The following ADAMTS17 variants were observed in gnomAD, a reference collection of about 807,000 sequenced individuals.
ADAMTS17 encodes ADAM metallopeptidase with thrombospondin type 1 motif 17, also known as A disintegrin and metalloproteinase with thrombospondin motifs 17.
A neutral mutation model predicts 141.5 loss-of-function variants in ADAMTS17; 113 were observed. That is an observed-to-expected ratio of 0.80 (90% CI 0.69 to 0.93). The LOEUF (loss-of-function observed/expected upper bound fraction) is 0.93, where lower values mean the gene tolerates loss of function less well. Ranked by LOEUF, ADAMTS17 falls within the 40% of genes least tolerant of loss-of-function variation. The pLI is 0.00. For synonymous variants in ADAMTS17, 768 were observed against 630.6 expected, an observed-to-expected ratio of 1.22 and a Z score of -3.27; for missense variants, 1,659 against 1,517.9, an observed-to-expected ratio of 1.09 and a Z score of -1.54.
chr15:100,246,524 T>C (rs1052472993), intron 7 of ADAMTS17, among the ~76,000 whole-genome samples: 1 of 152,214 alleles, frequency 6.6e-6, no homozygotes, highest in Non-Finnish European at 1.5e-5. Context: ...TTGTCTAATT[T>C]GGAACAACGA....
chr15:100,330,378 C>G (rs992046209), intron 3 of ADAMTS17, among the ~76,000 whole-genome samples: 1 of 152,198 alleles, frequency 6.6e-6, no homozygotes, highest in African/African-American at 2.4e-5. Context: ...CCCAGGGTTT[C>G]TGATTCACAG....
chr15:100,017,853 G>A (rs2061321763), intron 18 of ADAMTS17, among the ~76,000 whole-genome samples: 1 of 152,172 alleles, frequency 6.6e-6, no homozygotes, highest in African/African-American at 2.4e-5. Context: ...TTTGATTATA[G>A]TCATGCTAGT....
intron 15 of ADAMTS17, among the ~76,000 whole-genome samples, chr15:100,060,442 C>T (rs2033027694): frequency 6.6e-6 from 1 of 152,250 alleles, no homozygotes; most frequent in Admixed American, 6.5e-5. Context: ...CTTCCAGGCA[C>T]TGTGGGAAAG....
At chr15:100,244,327 G>A (rs1008950832) in intron 7 of ADAMTS17, among the ~76,000 whole-genome samples, 5 of 144,094 alleles carry the variant, frequency 3.5e-5, no homozygotes, top group African/African-American at 7.7e-5. Flanking sequence ...GTCACTCAAC[G>A]ACAGTGGTGG....
In ADAMTS17 at chr15:99,973,974, G is replaced by C. The variant is rs1267063435; in HGVS notation, c.*428C>G. On this transcript the variant is annotated 3_prime_UTR_variant, in exon 22 of 22. Coordinates refer to ENST00000268070, the MANE Select transcript of ADAMTS17 (RefSeq NM_139057.4). The stretch of plus-strand genomic sequence containing the variant: ...CACCAACACCTGCCCCTCCCTCCAT[G>C]GTGTCGCCGGCTTTCAGAATAAAGC... 1.0e-5 allele frequency: 2 copies of C among 200,528 alleles called. No individual in the cohort carries two copies. Among genetic ancestry groups the C allele is most frequent in the African/African-American group, 4.1e-5 (1 of 24,246 alleles). 12.4% of individuals were successfully genotyped at this position (200,528 alleles called of 1,614,324 possible). A position where few individuals can be genotyped will look rare whatever the true frequency, so the allele number is the denominator to read the frequency against.
chr15:100,330,716 C>A (rs891126119), intron 3 of ADAMTS17, among the ~76,000 whole-genome samples, 173 bp downstream of exon 3: 5 of 152,168 alleles, frequency 3.3e-5, no homozygotes, highest in Middle Eastern at 3.4e-3. Flanking sequence ...AAAGGACTGC[C>A]GACACTAAGA....
chr15:100,022,699 T>C (rs2061427785), intron 18 of ADAMTS17, among the ~76,000 whole-genome samples: 1 of 152,190 alleles, frequency 6.6e-6, no homozygotes, highest in Admixed American at 6.5e-5. Context: ...TCTGGATTGC[T>C]TTGGATAATT....
intron 15 of ADAMTS17, among the ~76,000 whole-genome samples, chr15:100,085,097 A>G (rs561771438): frequency 6.6e-6 from 1 of 152,262 alleles, no homozygotes; most frequent in East Asian, 1.9e-4. Flanking sequence ...AACCTTGAAA[A>G]AATATTAGAT....
At chr15:100,322,128 C>G (rs1003180941) in intron 3 of ADAMTS17, among the ~76,000 whole-genome samples, 2 of 152,042 alleles carry the variant, frequency 1.3e-5, no homozygotes, top group African/African-American at 2.4e-5. Flanking sequence ...GGAGTCAACA[C>G]TTGGAAGACA....
At chr15:100,113,877 C>T (rs772630692) in intron 13 of ADAMTS17, among the ~76,000 whole-genome samples, 3 of 152,348 alleles carry the variant, frequency 2.0e-5, no homozygotes, top group East Asian at 3.9e-4. Flanking sequence ...CACGTCCAGA[C>T]GCAGCCTTTG....
At chr15:100,038,284 T>C (rs1343291623) in intron 18 of ADAMTS17, among the ~76,000 whole-genome samples, 1 of 152,218 alleles carries the variant, frequency 6.6e-6, no homozygotes, top group Admixed American at 6.5e-5. Flanking sequence ...ACAGTAAGCT[T>C]TGAAATTGGG....
rs1479206593 is a variant in ADAMTS17, at chr15:100,207,113, G to A, written c.1076-7690C>T. 7.9e-5 allele frequency among the ~76,000 whole-genome samples: 12 copies of A among 152,192 alleles called. No individual in the cohort carries two copies. In the South Asian group the frequency reaches 2.5e-3, roughly 31 times the overall value. On this transcript the variant is annotated intron_variant, in intron 7 of 21. Coordinates refer to ENST00000268070, the MANE Select transcript of ADAMTS17 (RefSeq NM_139057.4). ...GAGACAGGGCCTTCAGGGAGGTGAT[G>A]AAGGTTAAATGAGGTCAGCAAGGTG...
At chr15:99,998,465 G>A (rs1567659425) in intron 18 of ADAMTS17, among the ~76,000 whole-genome samples, 1 of 152,096 alleles carries the variant, frequency 6.6e-6, no homozygotes, top group Non-Finnish European at 1.5e-5. Context: ...TTATCCAGGC[G>A]TGGTGGTGCA....
intron 13 of ADAMTS17, among the ~76,000 whole-genome samples, chr15:100,114,752 GC>G (rs758966431): frequency 1.3e-5 from 2 of 152,156 alleles, no homozygotes; most frequent in East Asian, 3.9e-4. Flanking sequence ...AATCCAAGTG[GC>G]CCCCCAGAGA....
At chr15:100,110,275 A>G (rs186852464) in intron 13 of ADAMTS17, among the ~76,000 whole-genome samples, 2 of 145,282 alleles carry the variant, frequency 1.4e-5, no homozygotes, top group East Asian at 4.0e-4. Flanking sequence ...ATATATATAT[A>G]TTTTTTTGAG....
intron 8 of ADAMTS17, among the ~76,000 whole-genome samples, chr15:100,162,450 AT>A (rs2039743921): frequency 7.5e-6 from 1 of 133,462 alleles, no homozygotes; most frequent in Non-Finnish European, 1.6e-5. Flanking sequence ...ACATATAGTT[AT>A]ATATATGCAC....
intron 3 of ADAMTS17, among the ~76,000 whole-genome samples, chr15:100,297,058 C>G (rs2044847886): frequency 6.6e-6 from 1 of 152,112 alleles, no homozygotes; most frequent in Admixed American, 6.5e-5. Context: ...TCAAGAAAGC[C>G]TTCCCCAAGG....
intron 18 of ADAMTS17, among the ~76,000 whole-genome samples, chr15:100,041,994 G>A (rs2031298845): frequency 1.3e-5 from 2 of 152,140 alleles, no homozygotes; most frequent in Non-Finnish European, 2.9e-5. Flanking sequence ...TTGCATTCTG[G>A]CTTCTTTAAT....
At chr15:100,302,584 C>G (rs1417701132) in intron 3 of ADAMTS17, among the ~76,000 whole-genome samples, 2 of 152,182 alleles carry the variant, frequency 1.3e-5, no homozygotes. Context: ...CTATAACCAT[C>G]CAAGCAGGAG....
Sources: allele counts gnomAD v4.1 joint callset (sites outside exome capture counted in the v4.1 genomes callset), GRCh38; gene constraint gnomAD v4.1.1; transcripts MANE v1.5; gene names NCBI Gene and HGNC (gene_info 2026-07-23, HGNC 2026-07-21).